Variants in DHRS2 observed in about 807,000 individuals in gnomAD.
The protein encoded by DHRS2 is dehydrogenase/reductase SDR family member 2, mitochondrial.
A neutral mutation model predicts 26.3 loss-of-function variants in DHRS2; 29 were observed. That is an observed-to-expected ratio of 1.10 (90% CI 0.82 to 1.50). The LOEUF is 1.50. DHRS2 is among the 40% of genes most tolerant of loss of function. The pLI is 0.00. For missense variants in DHRS2, 439 were observed against 367.1 expected, an observed-to-expected ratio of 1.20 and a Z score of -1.60; for synonymous variants, 164 against 151.3, an observed-to-expected ratio of 1.08 and a Z score of -0.62.
chr14:23,630,308 T>C (rs1393034161), intron 1 of DHRS2: 9 of 152,342 alleles, frequency 5.9e-5, no homozygotes, highest in Admixed American at 5.9e-4. Context: ...CTTGCCTCAC[T>C]GCCTTGGGTT....
rs754667291 is a variant in DHRS2, at chr14:23,644,878, C to A, written c.727C>A (p.Gln243Lys). 11 of 1,614,190 alleles carry A rather than the reference C, an allele frequency of 6.8e-6. No individual in the cohort carries two copies. In the Admixed American group the frequency reaches 1.7e-4, roughly 24 times the overall value. ...GAACTTCAAGGAACATCATCAGCTG[C>A]AGAGGCAAGTGGGGTTTGGAGATTT... Reference protein sequence around the residue: ...WKNFKEHHQLQRIGESEDCAG... With the variant: ...WKNFKEHHQLKRIGESEDCAG... The change falls in exon 8 of 9, where the codon CAG (glutamine) becomes AAG (lysine). Residue 243 changes from glutamine (Q) to lysine (K), a missense_variant. Physicochemically the swap from Gln to Lys is moderately conservative, Grantham distance 53. Coordinates refer to ENST00000250383, the MANE Select transcript of DHRS2 (RefSeq NM_005794.4).
chr14:23,631,658 A>C (rs1030966196), upstream of DHRS2, among the ~76,000 whole-genome samples: 1 of 150,436 alleles, frequency 6.6e-6, no homozygotes, highest in African/African-American at 2.5e-5. Context: ...CAGCTTCCCC[A>C]CCCCCAAATT....
Position 23,644,826 on chromosome 14 carries a change from G to T in DHRS2, c.676-1G>T. The T allele has an allele frequency of 6.2e-7, 1 of 1,614,190 alleles. No individual in the cohort carries two copies. Among genetic ancestry groups the T allele is most frequent in the East Asian group, 2.2e-5 (1 of 44,884 alleles). On this transcript the variant is annotated splice_acceptor_variant, in intron 7 of 8. Coordinates refer to ENST00000250383, the MANE Select transcript of DHRS2 (RefSeq NM_005794.4). LOFTEE classifies it high-confidence loss of function. ...CTCCTTCATTTCTTCCCTTTGCCCA[G>T]TTTCATGGGAATGAGTCTCTCTGGA...
chr14:23,639,721 A>G (rs1230513712), intron 3 of DHRS2, 73 bp from the exon 4 acceptor site: 1 of 1,466,136 alleles, frequency 6.8e-7, no homozygotes, highest in East Asian at 2.5e-5. Context: ...TGAAGGCCTT[A>G]TGACCTGGGC....
chr14:23,639,473 G>T (rs1042788206), intron 3 of DHRS2, 117 bp downstream of exon 3: 6 of 1,373,866 alleles, frequency 4.4e-6, no homozygotes, highest in Admixed American at 3.1e-5. Context: ...CTGCACCCAG[G>T]CTGCCCAAGC....
In DHRS2 at chr14:23,645,351, T is replaced by C. The variant is rs746101279; in HGVS notation, c.*98T>C. ...GATCTGGAGGCAGAGTCTGCCATTC[T>C]GCCAGACTAGCAATTTGGGGGCTTA... On this transcript the variant is annotated 3_prime_UTR_variant, in exon 9 of 9. Transcript: ENST00000250383. 4.4e-6 allele frequency: 7 copies of C among 1,598,206 alleles called. No individual in the cohort carries two copies. Among genetic ancestry groups the C allele is most frequent in the Non-Finnish European group, 5.1e-6 (6 of 1,174,794 alleles).
chr14:23,637,447 G>T (rs1265946464), intron 1 of DHRS2, among the ~76,000 whole-genome samples: 1 of 152,136 alleles, frequency 6.6e-6, no homozygotes, highest in Non-Finnish European at 1.5e-5. Flanking sequence ...GATAGGGGGA[G>T]CCTCAGAAAT....
rs770046814 is a variant in DHRS2 at position 23,645,194 on chromosome 14, G to T, written c.784G>T (p.Asp262Tyr). The change falls in exon 9 of 9, where the codon GAT (aspartate) becomes TAT (tyrosine). Residue 262 changes from aspartate (D) to tyrosine (Y), a missense_variant. Physicochemically the swap from Asp to Tyr is radical, Grantham distance 160. Transcript: ENST00000250383. ...AATCGTGTCCTTCCTGTGCTCTCCA[G>T]ATGCCAGCTACGTCAACGGGGAGAA... ...AGIVSFLCSPDASYVNGENIA... is the reference protein window; with the variant it reads ...AGIVSFLCSPYASYVNGENIA... 3.1e-6 allele frequency: 5 copies of T among 1,614,072 alleles called. No individual in the cohort carries two copies. Among genetic ancestry groups the T allele is most frequent in the Non-Finnish European group, 1.7e-6 (2 of 1,180,040 alleles).
intron 3 of DHRS2, 75 bp from the exon 4 acceptor site, chr14:23,639,719 T>A: frequency 3.4e-6 from 5 of 1,463,086 alleles, no homozygotes; most frequent in Non-Finnish European, 4.6e-6. Context: ...CCTGAAGGCC[T>A]TATGACCTGG....
upstream of DHRS2, among the ~76,000 whole-genome samples, chr14:23,635,995 G>T (rs1163789738): frequency 6.6e-6 from 1 of 151,928 alleles, no homozygotes; most frequent in Non-Finnish European, 1.5e-5. Flanking sequence ...TCTGGGTCCG[G>T]TGGGGACCTG....
upstream of DHRS2, among the ~76,000 whole-genome samples, chr14:23,635,176 T>C (rs529908606): frequency 1.3e-5 from 2 of 151,870 alleles, no homozygotes; most frequent in Non-Finnish European, 2.9e-5. Flanking sequence ...AATCGTCCCA[T>C]CTTAGTCTCC....
At chr14:23,644,303 G>A in intron 6 of DHRS2, 106 bp from the exon 7 acceptor site, 1 of 1,563,994 alleles carries the variant, frequency 6.4e-7, no homozygotes, top group African/African-American at 1.4e-5. Context: ...GTCTCCATGT[G>A]GGTGGGAGGG....
At chr14:23,640,943 A>C (rs1038152490) in intron 4 of DHRS2, 1 of 152,200 alleles carries the variant, frequency 6.6e-6, no homozygotes, top group Admixed American at 6.5e-5. Flanking sequence ...TTTGCTGTTT[A>C]GTGTCTCAGT....
At chr14:23,632,628 A>G (rs1890151138), upstream of DHRS2, among the ~76,000 whole-genome samples, 1 of 152,220 alleles carries the variant, frequency 6.6e-6, no homozygotes, top group Non-Finnish European at 1.5e-5. Context: ...TAATTTATAG[A>G]TACAGACCCC....
In DHRS2 at chr14:23,643,164, A is replaced by G. The variant is rs2138391159; in HGVS notation, c.433A>G (p.Asn145Asp). The G allele has an allele frequency of 6.2e-7, 1 of 1,614,056 alleles. No individual in the cohort carries two copies. The highest frequency in any genetic ancestry group is 8.5e-7 in the Non-Finnish European group (1 of 1,179,998). ...GCTCTGATTTCAGATCCTAAGTGTG[A>G]ACGTGAAGTCCCCAGCCCTGCTGCT... ...EQIWDKILSV[N>D]VKSPALLLSQ... is the part of the protein sequence containing the mutation. Residue 145 changes from asparagine to aspartate, a missense_variant, in exon 5 of 9, where the codon AAC becomes GAC. Coordinates refer to ENST00000250383, the MANE Select transcript of DHRS2 (RefSeq NM_005794.4).
In DHRS2 at chr14:23,639,900, G is replaced by C. The variant is rs775803904; in HGVS notation, c.420+5G>C. On this transcript the variant is annotated splice_donor_5th_base_variant and intron_variant, in intron 4 of 8. Transcript: ENST00000250383. ...AGTGAGCAGATCTGGGACAAGGTGA[G>C]AGGCCTCCCCTGGGGAGGCGGCTGA... The C allele has an allele frequency of 1.3e-6, 2 of 1,592,050 alleles. No homozygotes were observed. Among genetic ancestry groups the C allele is most frequent in the Non-Finnish European group, 1.7e-6 (2 of 1,169,322 alleles).
In DHRS2 at chr14:23,638,894, G is replaced by C. The variant is rs777814574; in HGVS notation, c.30G>C (p.Gln10His). The change falls in exon 2 of 9, where the codon CAG (glutamine) becomes CAC (histidine). Residue 10 changes from glutamine (Q) to histidine (H), a missense_variant. Gln to His is a conservative substitution (Grantham distance 24). Coordinates refer to ENST00000250383, the MANE Select transcript of DHRS2 (RefSeq NM_005794.4). The part of the protein sequence containing the change: MLSAVARGY[Q>H]GWFHPCARLS... ...TGTCAGCAGTTGCCCGGGGCTACCA[G>C]GGCTGGTTTCATCCCTGTGCTAGGC... The C allele has an allele frequency of 6.2e-7, 1 of 1,614,156 alleles. No homozygotes were observed. The highest frequency in any genetic ancestry group is 8.5e-7 in the Non-Finnish European group (1 of 1,180,020).
In DHRS2 at chr14:23,645,573, C is replaced by T. The variant is rs1566706160; in HGVS notation, c.*320C>T. The T allele has an allele frequency of 4.8e-6, 2 of 413,268 alleles. No homozygotes were observed. The highest frequency in any genetic ancestry group is 8.6e-6 in the Non-Finnish European group (2 of 231,498). The allele number at this position is 413,268 out of a possible 1,614,324, so 25.6% of individuals were successfully genotyped here. On this transcript the variant is annotated 3_prime_UTR_variant, in exon 9 of 9. Coordinates refer to ENST00000250383, the MANE Select transcript of DHRS2 (RefSeq NM_005794.4). Reference sequence around the variant, plus strand: ...AGCTCAGGCCTTTGAAGGATTTCAGCTCCTCCTCTCTGTAATTTGTGCTTT... The same window carrying T: ...AGCTCAGGCCTTTGAAGGATTTCAGTTCCTCCTCTCTGTAATTTGTGCTTT...
chr14:23,639,829 G>T lies in DHRS2; in HGVS notation c.354G>T (p.Val118=). The change falls in exon 4 of 9, where the codon GTG becomes GTT. Residue 118 remains valine, a synonymous_variant. Coordinates refer to ENST00000250383, the MANE Select transcript of DHRS2 (RefSeq NM_005794.4). ...ACTGTGGGGGCGTCGACTTCCTGGT[G>T]TGCAGCGCAGGGGTCAACCCTCTGG... ...LEHCGGVDFL[V]CSAGVNPLVG... is the part of the protein sequence containing the mutation. The T allele has an allele frequency of 2.5e-6, 4 of 1,610,584 alleles. No individual in the cohort carries two copies. The highest frequency in any genetic ancestry group is 3.4e-6 in the Non-Finnish European group (4 of 1,178,176).
Sources: allele counts gnomAD v4.1 joint callset (sites outside exome capture counted in the v4.1 genomes callset), GRCh38; gene constraint gnomAD v4.1.1; transcripts MANE v1.5; gene names NCBI Gene and HGNC (gene_info 2026-07-23, HGNC 2026-07-21).